The following PI4KA variants were observed in gnomAD, a reference collection of about 807,000 sequenced individuals.
PI4KA encodes PI4-kinase alpha.
PI4KA carries 122 observed loss-of-function variants against 271.4 expected under a neutral mutation model. The observed-to-expected ratio is 0.45, with a 90% CI of 0.39 to 0.52. The LOEUF (loss-of-function observed/expected upper bound fraction) is 0.52, where lower values mean the gene tolerates loss of function less well. Among genes scored for constraint, PI4KA ranks in the 20% least tolerant of loss-of-function variants. PI4KA has a pLI of 0.00. For synonymous variants in PI4KA, 1,041 were observed against 1,078.8 expected (o/e 0.96, Z 0.69); for missense variants, 1,969 against 2,769.1 (o/e 0.71, Z 6.48).
At chr22:20,767,030 T>C (rs1052115897) in intron 19 of PI4KA, among the ~76,000 whole-genome samples, 4 of 152,168 alleles carry the variant, frequency 2.6e-5, no homozygotes, top group Non-Finnish European at 5.9e-5. Context: ...CTGAGAAATC[T>C]ATCCAAAAAA....
chr22:20,846,279 AAAAAGAAAAGAAG>A (rs1569097540), intron 1 of PI4KA, among the ~76,000 whole-genome samples: 1 of 151,080 alleles, frequency 6.6e-6, no homozygotes. Flanking sequence ...AAAAAAAAAA[AAAAAGAAAAGAAG>A]AAAAGAAAAT....
In PI4KA at chr22:20,818,477, G is replaced by T; in HGVS notation, c.856+6C>A. 6.3e-7 allele frequency: 1 copy of T among 1,578,900 alleles called. No individual in the cohort carries two copies. Among genetic ancestry groups the T allele is most frequent in the Non-Finnish European group, 8.6e-7 (1 of 1,164,456 alleles). ...TCAAAATATTCTTCGGAAAGGTGAAGCCCACCTTCAAAGTAGTGAAAGGCA... is the reference window on the plus strand; with the variant it reads ...TCAAAATATTCTTCGGAAAGGTGAATCCCACCTTCAAAGTAGTGAAAGGCA... On this transcript the variant is annotated splice_donor_region_variant and intron_variant, in intron 7 of 54. Coordinates refer to ENST00000255882, the MANE Select transcript of PI4KA (RefSeq NM_058004.4).
chr22:20,815,920 G>A (rs1190792963), intron 7 of PI4KA, among the ~76,000 whole-genome samples: 1 of 151,752 alleles, frequency 6.6e-6, no homozygotes, highest in Non-Finnish European at 1.5e-5. Flanking sequence ...GATTTACGCA[G>A]GGGGTGTCAT....
At chr22:20,799,404 G>A (rs1935166754) in intron 15 of PI4KA, 128 bp from the exon 16 acceptor site, 1 of 928,156 alleles carries the variant, frequency 1.1e-6, no homozygotes, top group Non-Finnish European at 1.6e-6. Context: ...ATCTGAAACT[G>A]ACAGCCCAGG....
At chr22:20,806,514 AC>A (rs1419969907) in intron 10 of PI4KA, among the ~76,000 whole-genome samples, 1 of 151,936 alleles carries the variant, frequency 6.6e-6, no homozygotes, top group East Asian at 2.0e-4. Flanking sequence ...TACTAAAAAT[AC>A]AAAAATTAGG....
At chr22:20,845,950 G>C (rs1365373428) in intron 1 of PI4KA, among the ~76,000 whole-genome samples, 1 of 152,146 alleles carries the variant, frequency 6.6e-6, no homozygotes, top group African/African-American at 2.4e-5. Flanking sequence ...CAAGGTTACA[G>C]GACACAAGAT....
At chr22:20,843,503 A>G (rs1299956461) in intron 1 of PI4KA, among the ~76,000 whole-genome samples, 1 of 152,178 alleles carries the variant, frequency 6.6e-6, no homozygotes, top group Non-Finnish European at 1.5e-5. Context: ...CCTATCTCCA[A>G]ACAAAAAAAG....
At chr22:20,791,320 T>G (rs1245419181) in intron 19 of PI4KA, among the ~76,000 whole-genome samples, 2 of 152,252 alleles carry the variant, frequency 1.3e-5, no homozygotes, top group African/African-American at 4.8e-5. Context: ...CAGAGCCTGC[T>G]GCCAACAGAG....
chr22:20,729,900 T>C lies in PI4KA; in HGVS notation c.4400A>G (p.Lys1467Arg). ...GCACACCTCCCACCGACCTGATTTC[T>C]TGGAGATGGTGGACATGCCGCTGGA... ...PLSSGMSTISKKSGMSKKTNR... is the reference protein window; with the variant it reads ...PLSSGMSTISRKSGMSKKTNR... Residue 1467 changes from lysine (K) to arginine (R), a missense_variant, in exon 37 of 55, where the codon AAG (lysine) becomes AGG (arginine). This residue lies in a region of PI4KA where 388 missense variants were observed against 521.5 expected (regional missense o/e 0.74). Coordinates refer to ENST00000255882, the MANE Select transcript of PI4KA (RefSeq NM_058004.4). The C allele has an allele frequency of 6.2e-7, 1 of 1,614,206 alleles. No individual in the cohort carries two copies. Among genetic ancestry groups the C allele is most frequent in the Non-Finnish European group, 8.5e-7 (1 of 1,180,034 alleles).
At chr22:20,797,682 T>C (rs766967539) in intron 17 of PI4KA, among the ~76,000 whole-genome samples, 11 of 152,160 alleles carry the variant, frequency 7.2e-5, no homozygotes, top group Non-Finnish European at 1.5e-4. Flanking sequence ...AGGTTCTCAT[T>C]TGGCAGATGA....
rs577927791 is a variant in PI4KA at position 20,769,647 on chromosome 22, C to T, written c.2329-3954G>A. Among the ~76,000 whole-genome samples the T allele has an allele frequency of 7.1e-5, 10 of 141,414 alleles. No homozygotes were observed. The East Asian group carries it at 1.5e-3, about 21-fold the overall frequency. The allele number at this position is 141,414 out of a possible 152,430, so 92.8% of individuals were successfully genotyped here. A position where few individuals can be genotyped will look rare whatever the true frequency, so the allele number is the denominator to read the frequency against. ...TTGCGCCACTGCACTGCAGCCTGGG[C>T]GACAGAGCGAGACGCCATTTCAAAA... is the stretch of plus-strand genomic sequence containing the variant. On this transcript the variant is annotated intron_variant, in intron 19 of 54. Coordinates refer to ENST00000255882, the MANE Select transcript of PI4KA (RefSeq NM_058004.4).
At chr22:20,729,561 A>G in intron 38 of PI4KA, 55 bp from the exon 39 acceptor site, 1 of 1,551,304 alleles carries the variant, frequency 6.4e-7, no homozygotes, top group Non-Finnish European at 8.7e-7. Context: ...GTGCCCACAC[A>G]CTGCCCCGGC....
At chr22:20,788,476 A>G (rs956813350) in intron 19 of PI4KA, among the ~76,000 whole-genome samples, 5 of 152,132 alleles carry the variant, frequency 3.3e-5, no homozygotes, top group Non-Finnish European at 7.4e-5. Flanking sequence ...CCTCCTTTTT[A>G]CAGCTGCAGA....
Position 20,765,136 on chromosome 22 carries a change from C to T in PI4KA, c.2538G>A (p.Gln846=), listed in dbSNP as rs2147397364. 1.9e-6 allele frequency: 3 copies of T among 1,613,914 alleles called. No homozygotes were observed. In the Admixed American group the frequency reaches 5.0e-5, roughly 27 times the overall value. ...TGTCATTCTTCATGGCTGAGTTATACTGGAGGACGGACCGCAGTGGCTCCT... is the reference window on the plus strand; with the variant it reads ...TGTCATTCTTCATGGCTGAGTTATATTGGAGGACGGACCGCAGTGGCTCCT... The part of the protein sequence containing the change: ...PSKEPLRSVL[Q]YNSAMKNDTV... Residue 846 remains glutamine, a synonymous_variant, in exon 21 of 55, where the codon CAG becomes CAA. Coordinates refer to ENST00000255882, the MANE Select transcript of PI4KA (RefSeq NM_058004.4).
intron 1 of PI4KA, among the ~76,000 whole-genome samples, chr22:20,849,746 C>T (rs1045139661): frequency 9.2e-5 from 14 of 151,950 alleles, no homozygotes; most frequent in Non-Finnish European, 1.6e-4. Context: ...CCCAGCTACT[C>T]GGGAGTCTGA....
intron 23 of PI4KA, among the ~76,000 whole-genome samples, chr22:20,755,815 AAAG>A (rs1390774429): frequency 1.3e-5 from 2 of 150,270 alleles, no homozygotes; most frequent in African/African-American, 2.4e-5. Context: ...AAAAAAAAAA[AAAG>A]AAAAGAAAAA....
At chr22:20,763,441 T>C (rs937592339) in intron 22 of PI4KA, among the ~76,000 whole-genome samples, 6 of 150,910 alleles carry the variant, frequency 4.0e-5, no homozygotes, top group Admixed American at 3.3e-4. Flanking sequence ...ATGTTCTTTT[T>C]TTCTTTTTTT....
intron 7 of PI4KA, among the ~76,000 whole-genome samples, chr22:20,816,310 A>C (rs1186734720): frequency 6.6e-6 from 1 of 151,890 alleles, no homozygotes; most frequent in Non-Finnish European, 1.5e-5. Flanking sequence ...TATTTTATTT[A>C]GTTTTTAAGG....
intron 4 of PI4KA, among the ~76,000 whole-genome samples, chr22:20,822,286 A>T (rs1922811392): frequency 6.6e-6 from 1 of 152,092 alleles, no homozygotes; most frequent in Admixed American, 6.5e-5. Context: ...GGCTCAAGTG[A>T]TCCTCCTGCC....
Sources: allele counts gnomAD v4.1 joint callset (sites outside exome capture counted in the v4.1 genomes callset), GRCh38; gene constraint gnomAD v4.1.1; regional missense constraint gnomAD v4.1.1; transcripts MANE v1.5; gene names NCBI Gene and HGNC (gene_info 2026-07-23, HGNC 2026-07-21).